ROBO1: variants seen among roughly 807,000 people sequenced by gnomAD.
The protein encoded by ROBO1 is roundabout guidance receptor 1.
In ROBO1, 149 loss-of-function variants were observed where a neutral mutation model predicts 195.9. That is an observed-to-expected ratio of 0.76 (90% confidence interval 0.67 to 0.87). The LOEUF is 0.87. ROBO1 is among the 40% of genes least tolerant of loss of function. ROBO1 has a pLI of 0.00. For synonymous variants in ROBO1, 816 were observed against 733.2 expected (o/e 1.11, Z -1.82); for missense variants, 1,933 against 2,068.3 (o/e 0.93, Z 1.27).
intron 3 of ROBO1, among the ~76,000 whole-genome samples, chr3:78,953,558 TAA>T: frequency 6.6e-6 from 1 of 151,936 alleles, no homozygotes; most frequent in African/African-American, 2.4e-5. Context: ...GCAGAAATAT[TAA>T]CAAGAATAAT....
intron 22 of ROBO1, among the ~76,000 whole-genome samples, chr3:78,636,556 T>C (rs1705513688): frequency 6.6e-6 from 1 of 152,016 alleles, no homozygotes; most frequent in Non-Finnish European, 1.5e-5. Context: ...AGGAAAAAAC[T>C]ATTCATAGAT....
chr3:78,845,864 A>G (rs1419935333), intron 4 of ROBO1, among the ~76,000 whole-genome samples: 5 of 152,146 alleles, frequency 3.3e-5, no homozygotes, highest in Non-Finnish European at 7.4e-5. Flanking sequence ...CCATGCAGTA[A>G]ATCATTTTTA....
At chr3:79,047,922 C>T (rs1432032827) in intron 3 of ROBO1, among the ~76,000 whole-genome samples, 1 of 152,102 alleles carries the variant, frequency 6.6e-6, no homozygotes, top group Admixed American at 6.6e-5. Context: ...TTTATGTCTA[C>T]TGCCAAAGGA....
intron 3 of ROBO1, among the ~76,000 whole-genome samples, chr3:78,941,028 T>C (rs1037713579): frequency 1.2e-4 from 18 of 152,242 alleles, no homozygotes; most frequent in Middle Eastern, 3.2e-3. Flanking sequence ...TAATAGACTG[T>C]AAGCCCTACA....
Position 79,159,910 on chromosome 3 carries a change from G to C in ROBO1, c.89-34371C>G, listed in dbSNP as rs144990934. 1.2e-3 allele frequency among the ~76,000 whole-genome samples: 185 copies of C among 152,136 alleles called. 1 individual carries two copies. The highest frequency in any genetic ancestry group is 4.3e-3 in the African/African-American group (177 of 41,536). ...TACTAAGCTTTCTGGAAAAGAAACT[G>C]CTTCTTGTTGTACTTGAATCTGAGT... On this transcript the variant is annotated intron_variant, in intron 2 of 30. Coordinates refer to ENST00000464233, the MANE Select transcript of ROBO1 (RefSeq NM_002941.4).
intron 1 of ROBO1, among the ~76,000 whole-genome samples, chr3:79,680,704 C>A (rs1204173883): frequency 2.0e-5 from 3 of 151,864 alleles, no homozygotes; most frequent in Admixed American, 2.0e-4. Flanking sequence ...GAGAGTGTGT[C>A]TAAGGAAGAA....
chr3:78,863,951 A>G (rs1159257462), intron 4 of ROBO1, among the ~76,000 whole-genome samples: 3 of 152,212 alleles, frequency 2.0e-5, no homozygotes, highest in African/African-American at 7.2e-5. Context: ...TGCAATTAAA[A>G]TTTATTGTTA....
chr3:79,181,534 C>T (rs906847297), intron 2 of ROBO1, among the ~76,000 whole-genome samples: 2 of 152,080 alleles, frequency 1.3e-5, no homozygotes, highest in African/African-American at 4.8e-5. Flanking sequence ...GTAGTGTTGA[C>T]GTTCATTTTA....
rs375839461 is a variant in ROBO1, at chr3:79,344,116, G to A, written c.89-218577C>T. ...TTCCCAAACTGTTCATAGAGGGATG[G>A]TTGTGTATGTTGATATAATTCGGGT... is the stretch of plus-strand genomic sequence containing the variant. On this transcript the variant is annotated intron_variant, in intron 2 of 30. Coordinates refer to ENST00000464233, the MANE Select transcript of ROBO1 (RefSeq NM_002941.4). Among the ~76,000 whole-genome samples, 164 of 152,290 alleles carry A rather than the reference G, an allele frequency of 1.1e-3. 4 individuals are homozygous for A. The South Asian group carries it at 0.034, about 31-fold the overall frequency.
At chr3:78,770,749 T>C (rs936367849) in intron 4 of ROBO1, among the ~76,000 whole-genome samples, 1 of 152,190 alleles carries the variant, frequency 6.6e-6, no homozygotes, top group Non-Finnish European at 1.5e-5. Flanking sequence ...CTAGTATTCT[T>C]ATACTTTGAG....
At position 78,822,119 on chromosome 3, in the gene ROBO1, C is replaced by CACACAA. The variant is rs562751015; in HGVS notation, c.500-75220_500-75219insTTGTGT. 2.8e-3 allele frequency among the ~76,000 whole-genome samples: 429 copies of CACACAA among 151,638 alleles called. 3 individuals are homozygous for CACACAA. Among genetic ancestry groups the CACACAA allele is most frequent in the Admixed American group, 2.4e-3 (37 of 15,218 alleles). Reference sequence around the variant, plus strand: ...ACACACACACACACACACACACACACAAATGTACGGTGTTGGTTCAGGGCT... The same window carrying CACACAA: ...ACACACACACACACACACACACACACACACAAAAATGTACGGTGTTGGTTCAGGGCT... On this transcript the variant is annotated intron_variant, in intron 4 of 30. Coordinates refer to ENST00000464233, the MANE Select transcript of ROBO1 (RefSeq NM_002941.4).
rs1173569940 is a variant in ROBO1 at position 78,657,194 on chromosome 3, G to A, written c.2518C>T (p.Pro840Ser). Reference sequence around the variant, plus strand: ...TATCGGATTCCAGGAACAAGAAAGGGAATGACCACGGAAAAGGTGGAACCA... The same window carrying A: ...TATCGGATTCCAGGAACAAGAAAGGAAATGACCACGGAAAAGGTGGAACCA... ...VDGSTFSVVI[P>S]FLVPGIRYSV... Residue 840 changes from proline to serine, a missense_variant, in exon 18 of 31, where the codon CCC (proline) becomes TCC (serine). By Grantham distance (74) the Pro-to-Ser change is moderately conservative. Around this residue, in one of 3 missense-constraint regions of ROBO1, gnomAD observed 1,737 missense variants for 1,882.5 expected, o/e 0.92. Transcript: ENST00000464233. The A allele has an allele frequency of 6.2e-7, 1 of 1,613,310 alleles. No individual in the cohort carries two copies. The highest frequency in any genetic ancestry group is 1.3e-5 in the African/African-American group (1 of 74,918).
intron 3 of ROBO1, among the ~76,000 whole-genome samples, chr3:78,975,891 C>T (rs575471166): frequency 2.0e-4 from 30 of 152,262 alleles, no homozygotes; most frequent in African/African-American, 6.5e-4. Flanking sequence ...ACCATTATTT[C>T]CTAACATTCA....
intron 3 of ROBO1, among the ~76,000 whole-genome samples, chr3:79,063,811 GA>G (rs959615758): frequency 4.0e-5 from 6 of 149,726 alleles, no homozygotes; most frequent in Middle Eastern, 6.8e-3. Context: ...AGGCAAACGT[GA>G]AAAAAAAATG....
At chr3:78,779,427 C>T (rs2083605737) in intron 4 of ROBO1, among the ~76,000 whole-genome samples, 1 of 152,048 alleles carries the variant, frequency 6.6e-6, no homozygotes, top group Non-Finnish European at 1.5e-5. Context: ...GCAAACAACC[C>T]CATCAAAAAG....
At chr3:78,788,440 T>TA (rs35773751) in intron 4 of ROBO1, among the ~76,000 whole-genome samples, 1,508 of 75,868 alleles carry the variant, frequency 0.02, 41 homozygotes, top group African/African-American at 0.045. Flanking sequence ...TTTTTTTTTT[T>TA]AAAAAAAAAA....
At chr3:79,279,549 G>A (rs894034226) in intron 2 of ROBO1, among the ~76,000 whole-genome samples, 20 of 152,088 alleles carry the variant, frequency 1.3e-4, no homozygotes, top group African/African-American at 4.3e-4. Flanking sequence ...TACTATAAAG[G>A]TTCCTCAAAA....
chr3:78,763,951 T>C (rs1398197666), intron 4 of ROBO1, among the ~76,000 whole-genome samples: 1 of 152,206 alleles, frequency 6.6e-6, no homozygotes, highest in Non-Finnish European at 1.5e-5. Flanking sequence ...AGTGTGGAAG[T>C]GTAAGAGATG....
chr3:79,492,453 G>A (rs1016846492), intron 2 of ROBO1, among the ~76,000 whole-genome samples: 3 of 145,262 alleles, frequency 2.1e-5, no homozygotes, highest in Non-Finnish European at 4.5e-5. Context: ...AAAAGAGACT[G>A]TAGAGTTTAA....
Sources: allele counts gnomAD v4.1 joint callset (sites outside exome capture counted in the v4.1 genomes callset), GRCh38; gene constraint gnomAD v4.1.1; regional missense constraint gnomAD v4.1.1; transcripts MANE v1.5; gene names NCBI Gene and HGNC (gene_info 2026-07-23, HGNC 2026-07-21).